The following CFAP299 variants were observed in gnomAD, a reference collection of about 807,000 sequenced individuals.
CFAP299 encodes cilia and flagella associated protein 299, also known as cilia- and flagella-associated protein 299.
In CFAP299, 21 loss-of-function variants were observed where a neutral mutation model predicts 27.0. That is an observed-to-expected ratio of 0.78 (90% CI 0.55 to 1.12). CFAP299 has a LOEUF of 1.12. Among genes scored for constraint, CFAP299 ranks in the 50% most tolerant of loss-of-function variants. The probability of loss-of-function intolerance (pLI) is 0.00; values close to 1 mark genes in which losing one functional copy is unlikely to be tolerated. For missense variants in CFAP299, 310 were observed against 276.6 expected (o/e 1.12, Z -0.86); for synonymous variants, 104 against 98.1 (o/e 1.06, Z -0.36).
chr4:80,896,909 C>T lies in CFAP299; in HGVS notation c.476+26774C>T, dbSNP rs566971833. On this transcript the variant is annotated intron_variant, in intron 4 of 5. Transcript: ENST00000358105. ...ATTTATTATAAGGGCTATATTAATG[C>T]ATCTGATTAAGGTGTGATTAATCAA... Among the ~76,000 whole-genome samples the T allele has an allele frequency of 9.9e-5, 15 of 152,166 alleles. No individual in the cohort carries two copies. In the South Asian group the frequency reaches 1.0e-3, roughly 11 times the overall value.
At chr4:80,631,816 G>T in intron 3 of CFAP299, among the ~76,000 whole-genome samples, 1 of 133,692 alleles carries the variant, frequency 7.5e-6, no homozygotes, top group Non-Finnish European at 1.6e-5. Context: ...GTTTCATGTT[G>T]TAGTTCATTT....
intron 1 of CFAP299, among the ~76,000 whole-genome samples, chr4:80,347,510 A>G (rs971171504): frequency 6.6e-6 from 1 of 152,330 alleles, no homozygotes; most frequent in African/African-American, 2.4e-5. Flanking sequence ...GAGCCGAATC[A>G]TGTATGAACT....
chr4:80,741,052 T>G (rs1358963989), intron 3 of CFAP299, among the ~76,000 whole-genome samples: 1 of 152,140 alleles, frequency 6.6e-6, no homozygotes, highest in Admixed American at 6.5e-5. Context: ...GCCTGGGTGA[T>G]ATCCAAGGTG....
At chr4:80,531,216 T>TG (rs1733445532) in intron 2 of CFAP299, among the ~76,000 whole-genome samples, 2 of 152,124 alleles carry the variant, frequency 1.3e-5, no homozygotes, top group Admixed American at 1.3e-4. Flanking sequence ...GAAAATAGCA[T>TG]GAAATTTCCT....
intron 1 of CFAP299, among the ~76,000 whole-genome samples, chr4:80,340,381 A>G (rs550114576): frequency 6.6e-6 from 1 of 152,330 alleles, no homozygotes; most frequent in South Asian, 2.1e-4. Flanking sequence ...TCAGCAGAGT[A>G]GTCACTCAGG....
intron 3 of CFAP299, among the ~76,000 whole-genome samples, chr4:80,673,752 C>A (rs971505044): frequency 6.6e-6 from 1 of 151,982 alleles, no homozygotes; most frequent in South Asian, 2.1e-4. Context: ...TTGAATTGAT[C>A]CCTTTACCAT....
intron 2 of CFAP299, among the ~76,000 whole-genome samples, chr4:80,510,723 A>G (rs1346838566): frequency 1.3e-5 from 2 of 152,322 alleles, no homozygotes; most frequent in East Asian, 1.9e-4. Flanking sequence ...AGGTTATTCA[A>G]GAATCTGTAA....
intron 2 of CFAP299, among the ~76,000 whole-genome samples, chr4:80,469,150 T>TA: frequency 6.6e-6 from 1 of 152,336 alleles, no homozygotes; most frequent in East Asian, 1.9e-4. Context: ...GGGAATTTGT[T>TA]AAAAATTTAA....
chr4:80,377,806 G>T (rs544828700), intron 2 of CFAP299, among the ~76,000 whole-genome samples: 18 of 152,188 alleles, frequency 1.2e-4, no homozygotes, highest in Non-Finnish European at 2.2e-4. Flanking sequence ...TCCTAATAAA[G>T]ACATACTTGA....
At chr4:80,386,049 A>C (rs537441517) in intron 2 of CFAP299, 1 of 433,956 alleles carries the variant, frequency 2.3e-6, no homozygotes, top group African/African-American at 2.0e-5. Context: ...TATGAATGAC[A>C]TTCAGAAGGA....
At chr4:80,941,534 C>T (rs1737194195) in intron 4 of CFAP299, among the ~76,000 whole-genome samples, 1 of 152,168 alleles carries the variant, frequency 6.6e-6, no homozygotes, top group South Asian at 2.1e-4. Context: ...AGATTTTTCT[C>T]AACTAGCTCA....
intron 2 of CFAP299, among the ~76,000 whole-genome samples, chr4:80,408,339 C>G (rs1022428270): frequency 2.0e-5 from 3 of 152,072 alleles, no homozygotes; most frequent in African/African-American, 7.2e-5. Context: ...TCATTGTGCT[C>G]TTGATTTATG....
At chr4:80,446,775 G>T (rs1458142665) in intron 2 of CFAP299, among the ~76,000 whole-genome samples, 1 of 152,128 alleles carries the variant, frequency 6.6e-6, no homozygotes, top group African/African-American at 2.4e-5. Context: ...ACTCAAGATA[G>T]AAATTTGAAA....
intron 2 of CFAP299, among the ~76,000 whole-genome samples, chr4:80,459,897 G>A (rs1223858947): frequency 6.6e-6 from 1 of 152,090 alleles, no homozygotes; most frequent in African/African-American, 2.4e-5. Flanking sequence ...AAGGTTCACT[G>A]AAAATCAGCT....
At position 80,921,770 on chromosome 4, in the gene CFAP299, T is replaced by C. The variant is rs370659514; in HGVS notation, c.477-23040T>C. ...ATGAGAAGGGAGACAAGGAGACAAA[T>C]AAACAAGCTGCTGCTGAGGGCCTGA... On this transcript the variant is annotated intron_variant, in intron 4 of 5. Coordinates refer to ENST00000358105, the MANE Select transcript of CFAP299 (RefSeq NM_152770.3). Among the ~76,000 whole-genome samples, 10 of 151,692 alleles carry C rather than the reference T, an allele frequency of 6.6e-5. No homozygotes were observed. The South Asian group carries it at 1.9e-3, about 28-fold the overall frequency.
At chr4:80,448,273 A>G (rs145787124) in intron 2 of CFAP299, among the ~76,000 whole-genome samples, 12 of 152,336 alleles carry the variant, frequency 7.9e-5, no homozygotes, top group Non-Finnish European at 1.2e-4. Flanking sequence ...TATATGGGTG[A>G]CTGCTGATTC....
intron 3 of CFAP299, among the ~76,000 whole-genome samples, chr4:80,780,093 T>C (rs890832536): frequency 6.6e-6 from 1 of 152,044 alleles, no homozygotes; most frequent in Non-Finnish European, 1.5e-5. Context: ...CTTTGATTCA[T>C]ACTTTTATTC....
chr4:80,390,831 A>T (rs1023740967), intron 2 of CFAP299, among the ~76,000 whole-genome samples: 5 of 143,186 alleles, frequency 3.5e-5, no homozygotes, highest in Non-Finnish European at 6.1e-5. Flanking sequence ...ATGTATATGT[A>T]TATATGTATA....
At chr4:80,805,748 C>T (rs946581920) in intron 3 of CFAP299, among the ~76,000 whole-genome samples, 2 of 151,932 alleles carry the variant, frequency 1.3e-5, no homozygotes, top group Non-Finnish European at 2.9e-5. Flanking sequence ...GTGGTACATA[C>T]CTGTAGCTCC....
Sources: allele counts gnomAD v4.1 joint callset (sites outside exome capture counted in the v4.1 genomes callset), GRCh38; gene constraint gnomAD v4.1.1; transcripts MANE v1.5; gene names NCBI Gene and HGNC (gene_info 2026-07-23, HGNC 2026-07-21).